The following STC1 variants were observed in gnomAD, a reference collection of about 807,000 sequenced individuals.
STC1 encodes stanniocalcin-1.
Under a neutral mutation model 22.6 loss-of-function variants are expected in STC1, and 7 were observed. That is an observed-to-expected ratio of 0.31 (90% CI 0.18 to 0.58). STC1 has a LOEUF of 0.58. Ranked by LOEUF, STC1 falls within the 20% of genes least tolerant of loss-of-function variation. The pLI is 0.89. For missense variants in STC1, 224 were observed against 311.0 expected (o/e 0.72, Z 2.10); for synonymous variants, 113 against 120.7 (o/e 0.94, Z 0.42).
chr8:23,844,714 G>T lies in STC1; in HGVS notation c.*56C>A, dbSNP rs1239634398. ...GGCACAGTACACTCAAAACTGGTGTGTCAACACCCCTAAAATGATACTAGT... is the reference window on the plus strand; with the variant it reads ...GGCACAGTACACTCAAAACTGGTGTTTCAACACCCCTAAAATGATACTAGT... On this transcript the variant is annotated 3_prime_UTR_variant, in exon 4 of 4. Coordinates refer to ENST00000290271, the MANE Select transcript of STC1 (RefSeq NM_003155.3). 1 of 1,587,088 alleles carries T rather than the reference G, an allele frequency of 6.3e-7. No homozygotes were observed. Among genetic ancestry groups the T allele is most frequent in the Non-Finnish European group, 8.6e-7 (1 of 1,160,928 alleles).
intron 2 of STC1, 137 bp from the exon 3 acceptor site, chr8:23,851,668 T>A (rs1365701308): frequency 1.5e-6 from 1 of 688,686 alleles, no homozygotes; most frequent in Non-Finnish European, 2.5e-6. Context: ...ATGAGAAGAT[T>A]GCATGTCTCG....
chr8:23,850,794 G>T (rs1802628986), intron 3 of STC1, among the ~76,000 whole-genome samples: 1 of 151,992 alleles, frequency 6.6e-6, no homozygotes, highest in Non-Finnish European at 1.5e-5. Flanking sequence ...GGAAATCTGA[G>T]CCCCAGGGAA....
chr8:23,848,796 CG>C (rs1802603670), intron 3 of STC1, among the ~76,000 whole-genome samples: 1 of 151,874 alleles, frequency 6.6e-6, no homozygotes. Context: ...TGCCTAGGAA[CG>C]TTCTGTGTGA....
In STC1 at chr8:23,852,474, T is replaced by C. The variant is rs146473005; in HGVS notation, c.119-90A>G. On this transcript the variant is annotated intron_variant, in intron 1 of 3. Coordinates refer to ENST00000290271, the MANE Select transcript of STC1 (RefSeq NM_003155.3). ...GGTGCAGAGGTGAATTTCAAGGACA[T>C]GAGGTCAGAAGAACTTATCCTAGGA... The C allele has an allele frequency of 2.6e-5, 37 of 1,402,078 alleles. No individual in the cohort carries two copies. In the African/African-American group the frequency reaches 4.5e-4, roughly 17 times the overall value. The allele number at this position is 1,402,078 out of a possible 1,614,324, so 86.9% of individuals were successfully genotyped here.
rs902486723 is a variant in STC1 at position 23,854,656 on chromosome 8, T to G, written c.-133A>C. 2 of 864,852 alleles carry G rather than the reference T, an allele frequency of 2.3e-6. No individual in the cohort carries two copies. Among genetic ancestry groups the G allele is most frequent in the African/African-American group, 3.4e-5 (2 of 59,532 alleles). 53.6% of individuals were successfully genotyped at this position (864,852 alleles called of 1,614,324 possible). A position where few individuals can be genotyped will look rare whatever the true frequency, so the allele number is the denominator to read the frequency against. On this transcript the variant is annotated 5_prime_UTR_variant, in exon 1 of 4. Coordinates refer to ENST00000290271, the MANE Select transcript of STC1 (RefSeq NM_003155.3). ...GCTTAGGTGAGGATTTGATGAGGAT[T>G]TTTTTTTGTTGTTGTTGCTGGTGAT...
chr8:23,852,248 G>A lies in STC1; in HGVS notation c.255C>T (p.Asp85=), dbSNP rs1458934054. Residue 85 remains aspartate (D), a synonymous_variant, in exon 2 of 4, where the codon GAC becomes GAT. Transcript: ENST00000290271. ...GGGGTCAAGGTTTTATTACCTGAGT[G>A]TCAAATTTAGCAGCGCTGTACAAGA... ...KSFLYSAAKF[D]TQGKAFVKES... 6.2e-7 allele frequency: 1 copy of A among 1,614,054 alleles called. No homozygotes were observed. The highest frequency in any genetic ancestry group is 8.5e-7 in the Non-Finnish European group (1 of 1,180,044).
chr8:23,847,050 T>C (rs1336688555), intron 3 of STC1, among the ~76,000 whole-genome samples: 2 of 152,220 alleles, frequency 1.3e-5, no homozygotes, highest in African/African-American at 4.8e-5. Flanking sequence ...ATAAGGACTT[T>C]ATAACTTAGA....
chr8:23,853,569 T>G (rs1463231800), intron 1 of STC1, among the ~76,000 whole-genome samples: 2 of 152,190 alleles, frequency 1.3e-5, no homozygotes, highest in Non-Finnish European at 2.9e-5. Context: ...ATCCGGTCTT[T>G]GCTGACAGTT....
chr8:23,854,019 G>T, intron 1 of STC1: 1 of 1,032,372 alleles, frequency 9.7e-7, no homozygotes, highest in Non-Finnish European at 1.2e-6. Context: ...AAGGAAGAGG[G>T]ACAGCATCAA....
At position 23,842,824 on chromosome 8, in the gene STC1, C is replaced by T. The variant is rs1277663298; in HGVS notation, c.*1946G>A. 6.5e-6 allele frequency: 1 copy of T among 154,106 alleles called. No homozygotes were observed. The highest frequency in any genetic ancestry group is 1.4e-5 in the Non-Finnish European group (1 of 68,994). 9.5% of individuals were successfully genotyped at this position (154,106 alleles called of 1,614,324 possible). A position where few individuals can be genotyped will look rare whatever the true frequency, so the allele number is the denominator to read the frequency against. On this transcript the variant is annotated 3_prime_UTR_variant, in exon 4 of 4. Transcript: ENST00000290271. Reference sequence around the variant, plus strand: ...CCCTTAACAATCTGATGTCAGCACGCTTAGAGGCTGTGTGGGGACAAAGGC... The same window carrying T: ...CCCTTAACAATCTGATGTCAGCACGTTTAGAGGCTGTGTGGGGACAAAGGC...
Position 23,854,697 on chromosome 8 carries a change from G to T in STC1, c.-174C>A. On this transcript the variant is annotated 5_prime_UTR_variant, in exon 1 of 4. Coordinates refer to ENST00000290271, the MANE Select transcript of STC1 (RefSeq NM_003155.3). ...TGCTGGTGATGCTGCTGCTGCCACC[G>T]GTGCCTCCGCTGCTGCTGCTGCTGC... 1 of 714,876 alleles carries T rather than the reference G, an allele frequency of 1.4e-6. No homozygotes were observed. Among genetic ancestry groups the T allele is most frequent in the East Asian group, 2.6e-5 (1 of 38,376 alleles). 44.3% of individuals were successfully genotyped at this position (714,876 alleles called of 1,614,324 possible).
intron 1 of STC1, among the ~76,000 whole-genome samples, chr8:23,853,797 G>A (rs1269300854): frequency 6.6e-6 from 1 of 152,130 alleles, no homozygotes; most frequent in Non-Finnish European, 1.5e-5. Flanking sequence ...TCTGGCTACG[G>A]GCTGCAGGGA....
At chr8:23,845,236 G>A (rs1802558604) in intron 3 of STC1, among the ~76,000 whole-genome samples, 196 bp from the exon 4 acceptor site, 1 of 152,116 alleles carries the variant, frequency 6.6e-6, no homozygotes. Flanking sequence ...TCTGCTCCTA[G>A]GGTTTACCAC....
intron 1 of STC1, among the ~76,000 whole-genome samples, chr8:23,853,197 G>A (rs1361529363): frequency 6.6e-6 from 1 of 152,156 alleles, no homozygotes; most frequent in Non-Finnish European, 1.5e-5. Context: ...TCCCACAGAA[G>A]GGGGGTGTTC....
In STC1 at chr8:23,844,860, C is replaced by G. The variant is rs1379259875; in HGVS notation, c.654G>C (p.Glu218Asp). 53 of 1,614,106 alleles carry G rather than the reference C, an allele frequency of 3.3e-5. No homozygotes were observed. Among genetic ancestry groups the G allele is most frequent in the Non-Finnish European group, 4.5e-5 (53 of 1,180,010 alleles). ...RADFNRRRTNEPQKLKVLLRN... is the reference protein window; with the variant it reads ...RADFNRRRTNDPQKLKVLLRN... ...TGAGGAGGACTTTCAGCTTCTGCGGCTCATTGGTGCGTCTCCTGTTGAAGT... is the reference window on the plus strand; with the variant it reads ...TGAGGAGGACTTTCAGCTTCTGCGGGTCATTGGTGCGTCTCCTGTTGAAGT... The change falls in exon 4 of 4, where the codon GAG becomes GAC. Residue 218 changes from glutamate to aspartate, a missense_variant. By Grantham distance (45) the Glu-to-Asp change is conservative. Coordinates refer to ENST00000290271, the MANE Select transcript of STC1 (RefSeq NM_003155.3).
chr8:23,852,295 T>A lies in STC1; in HGVS notation c.208A>T (p.Met70Leu), dbSNP rs763615179. 2 of 1,614,084 alleles carry A rather than the reference T, an allele frequency of 1.2e-6. No homozygotes were observed. Among genetic ancestry groups the A allele is most frequent in the Non-Finnish European group, 1.7e-6 (2 of 1,180,000 alleles). Residue 70 changes from methionine to leucine, a missense_variant, in exon 2 of 4, where the codon ATG becomes TTG. By Grantham distance (15) the Met-to-Leu change is conservative. Coordinates refer to ENST00000290271, the MANE Select transcript of STC1 (RefSeq NM_003155.3). The part of the protein sequence containing the change: ...LENSTCDTDG[M>L]YDICKSFLYS... ...AAGAAGGATTTACAGATGTCATACA[T>A]CCCATCTGTGTCACAGGTGGAGTTT... is the stretch of plus-strand genomic sequence containing the variant.
intron 3 of STC1, among the ~76,000 whole-genome samples, chr8:23,845,248 C>A (rs1425721007): frequency 2.0e-5 from 3 of 152,132 alleles, no homozygotes; most frequent in Non-Finnish European, 4.4e-5. Context: ...GTTTACCACA[C>A]AATGCAAGAC....
Position 23,844,667 on chromosome 8 carries a change from C to CA in STC1, c.*102_*103insT. ...CTTTAAGGGGGATAGAAAATAGGAA[C>CA]TACTTTAAAAAAATCAAACCAGGCA... is the stretch of plus-strand genomic sequence containing the variant. On this transcript the variant is annotated 3_prime_UTR_variant, in exon 4 of 4. Coordinates refer to ENST00000290271, the MANE Select transcript of STC1 (RefSeq NM_003155.3). The CA allele has an allele frequency of 7.4e-6, 10 of 1,352,902 alleles. No individual in the cohort carries two copies. The highest frequency in any genetic ancestry group is 1.0e-5 in the Non-Finnish European group (10 of 997,998). The allele number at this position is 1,352,902 out of a possible 1,614,324, so 83.8% of individuals were successfully genotyped here.
rs955125681 is a variant in STC1, at chr8:23,854,708, T to C, written c.-185A>G. On this transcript the variant is annotated 5_prime_UTR_variant, in exon 1 of 4. Coordinates refer to ENST00000290271, the MANE Select transcript of STC1 (RefSeq NM_003155.3). ...CTGCTGCTGCCACCGGTGCCTCCGC[T>C]GCTGCTGCTGCTGCCGCCGCTGCTG... 3.2e-5 allele frequency: 20 copies of C among 616,782 alleles called. No individual in the cohort carries two copies. Among genetic ancestry groups the C allele is most frequent in the African/African-American group, 3.0e-4 (16 of 53,742 alleles). The allele number at this position is 616,782 out of a possible 1,614,324, so 38.2% of individuals were successfully genotyped here.
Sources: gnomAD v4.1 joint callset for allele counts (sites outside exome capture counted in the v4.1 genomes callset) on GRCh38, gnomAD v4.1.1 for gene constraint, MANE v1.5 for transcripts, NCBI Gene and HGNC (gene_info 2026-07-23, HGNC 2026-07-21) for gene names.